Variants in BRF1 observed in about 807,000 individuals in gnomAD.
BRF1 encodes transcription factor IIIB 90 kDa subunit.
In BRF1, 59 loss-of-function variants were observed where a neutral mutation model predicts 81.7. That is an observed-to-expected ratio of 0.72 (90% CI 0.59 to 0.90). The LOEUF (loss-of-function observed/expected upper bound fraction) is 0.90, where lower values mean the gene tolerates loss of function less well. Ranked by LOEUF, BRF1 falls within the 40% of genes least tolerant of loss-of-function variation. The pLI is 0.00. For synonymous variants in BRF1, 491 were observed against 395.6 expected (o/e 1.24, Z -2.86); for missense variants, 1,050 against 936.3 (o/e 1.12, Z -1.58).
intron 1 of BRF1, among the ~76,000 whole-genome samples, chr14:105,297,246 T>C (rs587708271): frequency 2.0e-5 from 3 of 152,238 alleles, no homozygotes; most frequent in Admixed American, 2.0e-4. Context: ...AAACATACAC[T>C]GTGTTCCATG....
intron 1 of BRF1, among the ~76,000 whole-genome samples, chr14:105,294,327 C>G (rs1322267201): frequency 6.6e-6 from 1 of 152,246 alleles, no homozygotes; most frequent in African/African-American, 2.4e-5. Flanking sequence ...AGCGCTGGCT[C>G]TGAGCTTGTT....
At chr14:105,211,324 G>C (rs771993567) in intron 16 of BRF1, 31 bp from the exon 17 acceptor site, 27 of 1,547,022 alleles carry the variant, frequency 1.7e-5, no homozygotes, top group South Asian at 3.6e-5. Context: ...GACACACACA[G>C]AGCTGGGAGC....
intron 1 of BRF1, among the ~76,000 whole-genome samples, chr14:105,294,882 G>A (rs920916000): frequency 6.6e-6 from 1 of 152,210 alleles, no homozygotes; most frequent in African/African-American, 2.4e-5. Flanking sequence ...CACCCCAGGT[G>A]AAACACAGCA....
chr14:105,219,644 A>T, intron 12 of BRF1: 1 of 395,956 alleles, frequency 2.5e-6, no homozygotes, highest in Non-Finnish European at 4.6e-6. Flanking sequence ...TTCCTGCCTG[A>T]CAGAGGGCAA....
At position 105,210,317 on chromosome 14, in the gene BRF1, A is replaced by G. The variant is rs1289605724; in HGVS notation, c.*234T>C. ...GGCAGCGGGACCCAGCCCTGCACAC[A>G]CCCGGCCCACATCTGATCACACACA... On this transcript the variant is annotated 3_prime_UTR_variant, in exon 18 of 18. Coordinates refer to ENST00000547530, the MANE Select transcript of BRF1 (RefSeq NM_001519.4). This position sits in a 1 kb window ranked among gnomAD's most constrained non-coding sequence, Gnocchi z 4.7. 1.8e-6 allele frequency: 1 copy of G among 560,748 alleles called. No homozygotes were observed. Among genetic ancestry groups the G allele is most frequent in the Non-Finnish European group, 3.2e-6 (1 of 312,426 alleles). The allele number at this position is 560,748 out of a possible 1,614,324, so 34.7% of individuals were successfully genotyped here. A position where few individuals can be genotyped will look rare whatever the true frequency, so the allele number is the denominator to read the frequency against.
At position 105,291,175 on chromosome 14, in the gene BRF1, G is replaced by A. The variant is rs587736456; in HGVS notation, c.185-4799C>T. On this transcript the variant is annotated intron_variant, in intron 1 of 17. Coordinates refer to ENST00000547530, the MANE Select transcript of BRF1 (RefSeq NM_001519.4). ...CTGTGTACAGCAAGGGAGGACCTGC[G>A]GTTCCACCAGAGCCAGAGCAGGGCC... Among the ~76,000 whole-genome samples the A allele has an allele frequency of 2.6e-5, 4 of 152,268 alleles. No homozygotes were observed. In the East Asian group the frequency reaches 7.7e-4, roughly 29 times the overall value.
intron 2 of BRF1, among the ~76,000 whole-genome samples, chr14:105,279,944 A>T (rs1218851288): frequency 6.6e-6 from 1 of 152,248 alleles, no homozygotes; most frequent in Non-Finnish European, 1.5e-5. Flanking sequence ...GGCAAGCCAG[A>T]TGCGGACGAC....
At chr14:105,311,862 T>C (rs115687994) in intron 1 of BRF1, among the ~76,000 whole-genome samples, 2,767 of 152,306 alleles carry the variant, frequency 0.018, 85 homozygotes, top group African/African-American at 0.061. Context: ...GTCATGGCCA[T>C]GTGCTCCAAC....
chr14:105,280,498 G>A (rs2057026784), intron 2 of BRF1, among the ~76,000 whole-genome samples: 1 of 152,262 alleles, frequency 6.6e-6, no homozygotes, highest in East Asian at 1.9e-4. Flanking sequence ...ACCGCCCAGC[G>A]TGAGCCTGGG....
chr14:105,212,842 G>A (rs1890354866), intron 15 of BRF1: 1 of 152,338 alleles, frequency 6.6e-6, no homozygotes, highest in Admixed American at 6.5e-5. Context: ...GAGGCGGTAG[G>A]GGGCCTGAGG....
chr14:105,248,515 G>A, intron 5 of BRF1: 1 of 980,152 alleles, frequency 1.0e-6, no homozygotes, highest in Non-Finnish European at 1.2e-6. Flanking sequence ...GCGACGTCGC[G>A]CGGGGCGCGG....
At chr14:105,290,373 C>T (rs1047193746) in intron 1 of BRF1, among the ~76,000 whole-genome samples, 1 of 152,116 alleles carries the variant, frequency 6.6e-6, no homozygotes, top group Non-Finnish European at 1.5e-5. Context: ...GAGCCGAGAT[C>T]GCGCCATTGC....
intron 3 of BRF1, among the ~76,000 whole-genome samples, chr14:105,265,251 C>T (rs1209808906): frequency 6.6e-6 from 1 of 151,684 alleles, no homozygotes; most frequent in Non-Finnish European, 1.5e-5. Context: ...CTTTTATTAG[C>T]CTAGGCTGGT....
At chr14:105,250,382 G>A in intron 5 of BRF1, 1 of 1,613,856 alleles carries the variant, frequency 6.2e-7, no homozygotes, top group Non-Finnish European at 8.5e-7. Flanking sequence ...CGTGAAGATT[G>A]AGCTCAAGCG....
intron 5 of BRF1, chr14:105,249,644 A>G (rs1421661552): frequency 3.1e-6 from 5 of 1,610,730 alleles, no homozygotes; most frequent in Non-Finnish European, 3.4e-6. Flanking sequence ...GCCTAGGTAC[A>G]TGTACAGTGA....
At chr14:105,277,786 G>C (rs2816635) in intron 2 of BRF1, among the ~76,000 whole-genome samples, 1 of 152,000 alleles carries the variant, frequency 6.6e-6, no homozygotes, top group Non-Finnish European at 1.5e-5. Context: ...ATGGAGTCTC[G>C]CTCTGTCACC....
chr14:105,217,838 C>A, intron 14 of BRF1, 38 bp from the exon 15 acceptor site: 2 of 1,599,478 alleles, frequency 1.3e-6, no homozygotes, highest in Non-Finnish European at 8.5e-7. Context: ...CCGTGAGTCA[C>A]GCCCACTGCA....
chr14:105,215,412 GCACA>G (rs372031378), intron 15 of BRF1, among the ~76,000 whole-genome samples: 1 of 151,790 alleles, frequency 6.6e-6, no homozygotes, highest in African/African-American at 2.4e-5. Flanking sequence ...TTACACACAT[GCACA>G]CACACTATGT....
intron 1 of BRF1, among the ~76,000 whole-genome samples, chr14:105,297,437 G>T (rs1390711046): frequency 6.6e-6 from 1 of 151,972 alleles, no homozygotes; most frequent in Non-Finnish European, 1.5e-5. Context: ...GGGTGTGGTG[G>T]CGTGTGCCTG....
Sources: gnomAD v4.1 joint callset for allele counts (sites outside exome capture counted in the v4.1 genomes callset) on GRCh38, gnomAD v4.1.1 for gene constraint, Gnocchi (gnomAD v3.1) non-coding constraint, MANE v1.5 for transcripts, NCBI Gene and HGNC (gene_info 2026-07-23, HGNC 2026-07-21) for gene names.